The following MICAL2 variants were observed in gnomAD, a reference collection of about 807,000 sequenced individuals.
The protein encoded by MICAL2 is microtubule associated monooxygenase, calponin and LIM domain containing 2, also known as [F-actin]-monooxygenase MICAL2.
In MICAL2, 77 loss-of-function variants were observed where a neutral mutation model predicts 127.3. The observed-to-expected ratio is 0.60, with a 90% CI of 0.50 to 0.73. The LOEUF (loss-of-function observed/expected upper bound fraction) is 0.73. MICAL2 is among the 30% of genes least tolerant of loss of function. MICAL2 has a pLI of 0.00. For synonymous variants in MICAL2, 570 were observed against 551.1 expected (o/e 1.03, Z -0.48); for missense variants, 1,351 against 1,434.4 (o/e 0.94, Z 0.94).
intron 3 of MICAL2, among the ~76,000 whole-genome samples, chr11:12,169,943 G>A (rs1041680086): frequency 3.3e-5 from 5 of 152,142 alleles, no homozygotes; most frequent in African/African-American, 7.2e-5. Context: ...TAGATTTCCC[G>A]GGCTTTGCTG....
At chr11:12,341,410 A>C (rs145540445) in intron 32 of MICAL2, among the ~76,000 whole-genome samples, 1 of 152,172 alleles carries the variant, frequency 6.6e-6, no homozygotes. Context: ...AACACACACC[A>C]ATACATAATC....
intron 3 of MICAL2, among the ~76,000 whole-genome samples, chr11:12,189,024 C>G (rs1394480542): frequency 6.6e-6 from 1 of 152,164 alleles, no homozygotes; most frequent in Non-Finnish European, 1.5e-5. Flanking sequence ...TAAATTTATT[C>G]TTCTTTCTGA....
downstream of MICAL2, among the ~76,000 whole-genome samples, chr11:12,265,842 G>T (rs979213294): frequency 2.0e-5 from 3 of 152,174 alleles, no homozygotes; most frequent in Admixed American, 6.5e-5. Context: ...TGGGCCAGGT[G>T]CGGTAGCTCA....
chr11:12,139,433 A>G (rs1340060894), intron 2 of MICAL2, among the ~76,000 whole-genome samples: 1 of 152,062 alleles, frequency 6.6e-6, no homozygotes, highest in Non-Finnish European at 1.5e-5. Flanking sequence ...GGGAGGATGA[A>G]GGTGAGGGTG....
Position 12,205,180 on chromosome 11 carries a change from C to T in MICAL2, c.472+723C>T, listed in dbSNP as rs113062752. Among the ~76,000 whole-genome samples the T allele has an allele frequency of 9.8e-3, 1,485 of 152,254 alleles. 29 individuals are homozygous for T. The highest frequency in any genetic ancestry group is 0.034 in the African/African-American group (1,397 of 41,530). On this transcript the variant is annotated intron_variant, in intron 4 of 27. Transcript: ENST00000683283. ...CCCTGAATGCTTATATAGGGAGAGA[C>T]GAGTGCTGAGGCCCTTCTGCTCTGA...
intron 21 of MICAL2, among the ~76,000 whole-genome samples, chr11:12,246,560 C>T (rs1338727215): frequency 1.3e-5 from 2 of 152,212 alleles, no homozygotes; most frequent in African/African-American, 4.8e-5. Flanking sequence ...CAATGTCACT[C>T]CAAAAGCCAA....
At chr11:12,137,053 G>C (rs1019611761) in intron 1 of MICAL2, among the ~76,000 whole-genome samples, 2 of 152,190 alleles carry the variant, frequency 1.3e-5, no homozygotes, top group Non-Finnish European at 2.9e-5. Context: ...AGAAGCAGGG[G>C]GCAGACAAGT....
chr11:12,251,577 TAAAAAAAAAAA>T (rs536942703), intron 22 of MICAL2, among the ~76,000 whole-genome samples: 20 of 93,830 alleles, frequency 2.1e-4, no homozygotes, highest in South Asian at 4.0e-4. Flanking sequence ...CATTTCACTT[TAAAAAAAAAAA>T]AAAAAAAAAA....
intron 22 of MICAL2, among the ~76,000 whole-genome samples, chr11:12,251,335 A>T (rs1226466560): frequency 1.3e-5 from 2 of 151,942 alleles, no homozygotes; most frequent in Non-Finnish European, 2.9e-5. Context: ...TCCTGCTGTC[A>T]AGAAATAGAA....
At chr11:12,289,462 G>A (rs576740404), downstream of MICAL2, among the ~76,000 whole-genome samples, 93 of 152,272 alleles carry the variant, frequency 6.1e-4, no homozygotes, top group Middle Eastern at 6.8e-3. Context: ...TACTGGACGC[G>A]GCTTGAGTGC....
At chr11:12,178,263 C>A (rs1247460126) in intron 3 of MICAL2, among the ~76,000 whole-genome samples, 5 of 152,130 alleles carry the variant, frequency 3.3e-5, no homozygotes, top group African/African-American at 1.2e-4. Context: ...TGACAAAAAA[C>A]AAAGAACAAA....
intron 7 of MICAL2, among the ~76,000 whole-genome samples, chr11:12,215,239 T>C (rs1342747071): frequency 6.6e-6 from 1 of 152,212 alleles, no homozygotes; most frequent in African/African-American, 2.4e-5. Flanking sequence ...CCTTCGGCCA[T>C]CGTTTCACAA....
Position 12,213,424 on chromosome 11 carries a change from C to G in MICAL2, c.847+14C>G, listed in dbSNP as rs200857410. On this transcript the variant is annotated intron_variant, in intron 7 of 27. Transcript: ENST00000683283. ...AAGAAGAAACAGGTGGGACCTTCAC[C>G]TTTCTCCCAACCAGGCCAAGGTCTA... 163 of 1,610,052 alleles carry G rather than the reference C, an allele frequency of 1.0e-4. 1 individual carries two copies. In the East Asian group the frequency reaches 3.0e-3, roughly 30 times the overall value.
intron 29 of MICAL2, among the ~76,000 whole-genome samples, chr11:12,317,891 G>A (rs1864248733): frequency 6.6e-6 from 1 of 152,114 alleles, no homozygotes; most frequent in Admixed American, 6.5e-5. Context: ...TGCCGGAAGT[G>A]TAAGAAATGC....
chr11:12,238,604 G>A lies in MICAL2; in HGVS notation c.2065-832G>A, dbSNP rs371994292. On this transcript the variant is annotated intron_variant, in intron 16 of 27. Transcript: ENST00000683283. ...TCATTCTGTAACAGAAACTGTTACA[G>A]TTTGTAGGAAACCAAGGAGACAGGG... Among the ~76,000 whole-genome samples, 37 of 152,328 alleles carry A rather than the reference G, an allele frequency of 2.4e-4. No homozygotes were observed. The East Asian group carries it at 6.0e-3, about 25-fold the overall frequency.
intron 2 of MICAL2, among the ~76,000 whole-genome samples, chr11:12,158,967 C>G (rs1385853): frequency 0.66 from 100,153 of 152,178 alleles, 33,427 homozygotes; most frequent in South Asian, 0.79. Flanking sequence ...TGTGACCTAA[C>G]TTGGAAAGCC....
chr11:12,242,336 A>G lies in MICAL2; in HGVS notation c.2460A>G (p.Thr820=). The G allele has an allele frequency of 6.2e-7, 1 of 1,614,138 alleles. No individual in the cohort carries two copies. The highest frequency in any genetic ancestry group is 1.7e-5 in the Admixed American group (1 of 60,014). The part of the protein sequence containing the change: ...RAKSDLQLGG[T]ENFATLPSTR... ...AGTCTGACCTACAGCTGGGTGGGAC[A>G]GAAAATTTCGCTACCCTGCCTTCTA... Residue 820 remains threonine, a synonymous_variant, in exon 19 of 28, where the codon ACA becomes ACG. Transcript: ENST00000683283.
intron 11 of MICAL2, 65 bp downstream of exon 11, chr11:12,222,808 G>C: frequency 6.3e-7 from 1 of 1,590,050 alleles, no homozygotes; most frequent in South Asian, 1.1e-5. Flanking sequence ...AGGTGGTGGG[G>C]AGGGGGTCAC....
Position 12,216,192 on chromosome 11 carries a change from T to A in MICAL2, c.848-27T>A, listed in dbSNP as rs1489234715. ...ACAGTTGGTGCCGAGGAAGTAACACTGAGCTTGTGAATGCTTCTCTTTTCA... is the reference window on the plus strand; with the variant it reads ...ACAGTTGGTGCCGAGGAAGTAACACAGAGCTTGTGAATGCTTCTCTTTTCA... On this transcript the variant is annotated intron_variant, in intron 7 of 27. Coordinates refer to ENST00000683283, the MANE Select transcript of MICAL2 (RefSeq NM_001282663.2). The A allele has an allele frequency of 5.8e-6, 9 of 1,548,248 alleles. No homozygotes were observed. In the African/African-American group the frequency reaches 9.5e-5, roughly 16 times the overall value.
Sources: gnomAD v4.1 joint callset for allele counts (sites outside exome capture counted in the v4.1 genomes callset) on GRCh38, gnomAD v4.1.1 for gene constraint, MANE v1.5 for transcripts, NCBI Gene and HGNC (gene_info 2026-07-23, HGNC 2026-07-21) for gene names.